VAV3: variants seen among roughly 807,000 people sequenced by gnomAD.
The protein encoded by VAV3 is vav guanine nucleotide exchange factor 3, also known as guanine nucleotide exchange factor VAV3.
A neutral mutation model predicts 131.2 loss-of-function variants in VAV3; 94 were observed. The observed-to-expected ratio is 0.72, with a 90% CI of 0.61 to 0.85. The LOEUF (loss-of-function observed/expected upper bound fraction) is 0.85. Among genes scored for constraint, VAV3 ranks in the 40% least tolerant of loss-of-function variants. The probability of loss-of-function intolerance (pLI) is 0.00; values close to 1 mark genes in which losing one functional copy is unlikely to be tolerated. For synonymous variants in VAV3, 349 were observed against 342.0 expected, an observed-to-expected ratio of 1.02 and a Z score of -0.22; for missense variants, 939 against 1,002.7, an observed-to-expected ratio of 0.94 and a Z score of 0.86.
chr1:107,896,312 C>T (rs1185289340), intron 1 of VAV3, among the ~76,000 whole-genome samples: 2 of 152,084 alleles, frequency 1.3e-5, no homozygotes, highest in Non-Finnish European at 2.9e-5. Flanking sequence ...AGTGGAGTGC[C>T]TCTCCCCATC....
At chr1:107,664,753 G>A (rs1202286923) in intron 19 of VAV3, among the ~76,000 whole-genome samples, 1 of 152,082 alleles carries the variant, frequency 6.6e-6, no homozygotes, top group Non-Finnish European at 1.5e-5. Context: ...GACCCACAAT[G>A]CACACCAGAT....
intron 8 of VAV3, among the ~76,000 whole-genome samples, chr1:107,765,781 C>T (rs553425815): frequency 5.3e-5 from 8 of 152,276 alleles, no homozygotes; most frequent in African/African-American, 1.9e-4. Context: ...TGGTTTATTG[C>T]TTCTCTTAAC....
At chr1:107,732,570 T>C (rs964986872) in intron 15 of VAV3, among the ~76,000 whole-genome samples, 5 of 152,230 alleles carry the variant, frequency 3.3e-5, no homozygotes, top group African/African-American at 1.2e-4. Flanking sequence ...AACCCACGCC[T>C]GGCTCAGAGG....
chr1:107,888,292 AT>A (rs1163567459), intron 1 of VAV3, among the ~76,000 whole-genome samples: 1 of 152,188 alleles, frequency 6.6e-6, no homozygotes, highest in East Asian at 1.9e-4. Context: ...CTATGTAGCA[AT>A]AACCAACAAA....
At chr1:107,674,069 T>C (rs557119080) in intron 19 of VAV3, among the ~76,000 whole-genome samples, 1 of 152,338 alleles carries the variant, frequency 6.6e-6, no homozygotes, top group Non-Finnish European at 1.5e-5. Flanking sequence ...AAGCCAACAC[T>C]GCAAAATAAT....
chr1:107,812,220 A>G (rs1667346558), intron 2 of VAV3, among the ~76,000 whole-genome samples: 1 of 152,226 alleles, frequency 6.6e-6, no homozygotes, highest in Non-Finnish European at 1.5e-5. Context: ...ATGCTGTCAG[A>G]TACTGCTGGC....
intron 2 of VAV3, among the ~76,000 whole-genome samples, chr1:107,836,695 AAGATAC>A (rs1229973784): frequency 6.6e-6 from 1 of 152,158 alleles, no homozygotes; most frequent in Non-Finnish European, 1.5e-5. Context: ...AAAAACAGAA[AAGATAC>A]AGATAAGCAT....
chr1:107,738,719 T>C (rs1242663323), intron 15 of VAV3, among the ~76,000 whole-genome samples: 3 of 152,236 alleles, frequency 2.0e-5, no homozygotes, highest in Non-Finnish European at 4.4e-5. Context: ...CATGTCACAC[T>C]AACTGTTAGG....
At chr1:107,759,559 C>T (rs1664302950) in intron 10 of VAV3, among the ~76,000 whole-genome samples, 1 of 152,078 alleles carries the variant, frequency 6.6e-6, no homozygotes, top group African/African-American at 2.4e-5. Context: ...GAGGGAAAAA[C>T]ATTTCTAGAA....
intron 1 of VAV3, among the ~76,000 whole-genome samples, chr1:107,907,301 G>A (rs371631410): frequency 1.3e-5 from 2 of 152,096 alleles, no homozygotes; most frequent in African/African-American, 4.8e-5. Flanking sequence ...GTCTAGCACT[G>A]GGTGCTTATT....
chr1:107,784,959 T>TC (rs1449958720), intron 2 of VAV3, among the ~76,000 whole-genome samples: 1 of 152,212 alleles, frequency 6.6e-6, no homozygotes, highest in Non-Finnish European at 1.5e-5. Flanking sequence ...ACTGACATGT[T>TC]CCCCTATGAA....
intron 15 of VAV3, among the ~76,000 whole-genome samples, chr1:107,724,473 G>C (rs934277828): frequency 4.6e-5 from 7 of 152,004 alleles, no homozygotes; most frequent in Non-Finnish European, 8.8e-5. Context: ...GCATTGTACT[G>C]GGACAAAAAA....
chr1:107,751,143 A>C lies in VAV3; in HGVS notation c.1233T>G (p.Thr411=). The change falls in exon 13 of 27, where the codon ACT becomes ACG. Residue 411 remains threonine, a synonymous_variant. Transcript: ENST00000370056. The part of the protein sequence containing the change: ...PQGDGEIRIT[T]LDKHTKQERH... The stretch of plus-strand genomic sequence containing the variant: ...TTTCTTGTTTGGTATGCTTGTCTAG[A>C]GTGGTTATTCGAATTTCACCATCTC... 1 of 1,613,130 alleles carries C rather than the reference A, an allele frequency of 6.2e-7. No homozygotes were observed. Among genetic ancestry groups the C allele is most frequent in the South Asian group, 1.1e-5 (1 of 90,796 alleles).
At chr1:107,684,938 A>G (rs1658913544) in intron 18 of VAV3, among the ~76,000 whole-genome samples, 1 of 152,230 alleles carries the variant, frequency 6.6e-6, no homozygotes, top group African/African-American at 2.4e-5. Context: ...AGTATTTTCA[A>G]CAGGAAATTA....
chr1:107,819,349 A>G (rs1439692524), intron 2 of VAV3, among the ~76,000 whole-genome samples: 2 of 152,154 alleles, frequency 1.3e-5, no homozygotes, highest in Admixed American at 6.6e-5. Flanking sequence ...CATATGTAAT[A>G]TATTAATTCT....
At chr1:107,775,268 T>C (rs1189055926) in intron 4 of VAV3, among the ~76,000 whole-genome samples, 1 of 152,028 alleles carries the variant, frequency 6.6e-6, no homozygotes, top group East Asian at 1.9e-4. Flanking sequence ...TAGGTGTAAG[T>C]CACCACTGGT....
chr1:107,864,225 A>T (rs1669875520), intron 2 of VAV3, among the ~76,000 whole-genome samples: 1 of 152,228 alleles, frequency 6.6e-6, no homozygotes, highest in Non-Finnish European at 1.5e-5. Flanking sequence ...AGTTGAACAA[A>T]CTGAGGCCAA....
intron 25 of VAV3, among the ~76,000 whole-genome samples, chr1:107,583,811 G>A (rs866873353): frequency 6.6e-6 from 1 of 152,126 alleles, no homozygotes; most frequent in Non-Finnish European, 1.5e-5. Flanking sequence ...AATCAATATC[G>A]CGAAAATGGC....
chr1:107,909,516 G>T (rs183823136), intron 1 of VAV3, among the ~76,000 whole-genome samples: 1 of 152,104 alleles, frequency 6.6e-6, no homozygotes, highest in African/African-American at 2.4e-5. Flanking sequence ...TTAAAAACCT[G>T]CTGAACCCAT....
Sources: gnomAD v4.1 joint callset for allele counts (sites outside exome capture counted in the v4.1 genomes callset) on GRCh38, gnomAD v4.1.1 for gene constraint, MANE v1.5 for transcripts, NCBI Gene and HGNC (gene_info 2026-07-23, HGNC 2026-07-21) for gene names.